Variants in AGBL4 observed in about 807,000 individuals in gnomAD.
The protein encoded by AGBL4 is AGBL carboxypeptidase 4, also known as cytosolic carboxypeptidase 6.
Under a neutral mutation model 66.4 loss-of-function variants are expected in AGBL4, and 58 were observed. The ratio of observed to expected loss-of-function variants is 0.87; its 90% CI spans 0.71 to 1.09. The LOEUF (loss-of-function observed/expected upper bound fraction) is 1.09. AGBL4 is among the 50% of genes least tolerant of loss of function. The pLI is 0.00. For missense variants in AGBL4, 579 were observed against 631.0 expected (o/e 0.92, Z 0.88); for synonymous variants, 234 against 222.9 (o/e 1.05, Z -0.44).
At chr1:48,833,908 A>G (rs1056405837) in intron 6 of AGBL4, among the ~76,000 whole-genome samples, 1 of 152,184 alleles carries the variant, frequency 6.6e-6, no homozygotes, top group African/African-American at 2.4e-5. Context: ...GGCCCAGGGG[A>G]CAGGGCTAGT....
chr1:49,507,615 T>C (rs1648819041), intron 3 of AGBL4, among the ~76,000 whole-genome samples: 2 of 152,004 alleles, frequency 1.3e-5, no homozygotes, highest in South Asian at 2.1e-4. Flanking sequence ...GGTTATTCAA[T>C]TGAGAACTTG....
chr1:49,106,754 C>T (rs1449041648), intron 4 of AGBL4, among the ~76,000 whole-genome samples: 1 of 152,052 alleles, frequency 6.6e-6, no homozygotes, highest in Non-Finnish European at 1.5e-5. Context: ...AAGGATTTAC[C>T]CAAGGCTTTG....
rs72895645 is a variant in AGBL4 at position 48,957,670 on chromosome 1, C to G, written c.594+87914G>C. 2.8e-3 allele frequency among the ~76,000 whole-genome samples: 422 copies of G among 152,276 alleles called. 6 individuals carry two copies. The highest frequency in any genetic ancestry group is 9.3e-3 in the African/African-American group (387 of 41,556). ...GCTGCTTCTCTTCCACTCCCCAGCCCCTAAAAAACAATGTACTTAAAATAC... is the reference window on the plus strand; with the variant it reads ...GCTGCTTCTCTTCCACTCCCCAGCCGCTAAAAAACAATGTACTTAAAATAC... On this transcript the variant is annotated intron_variant, in intron 5 of 13. Coordinates refer to ENST00000371839, the MANE Select transcript of AGBL4 (RefSeq NM_032785.4).
chr1:49,757,337 C>T (rs1651965516), intron 2 of AGBL4, among the ~76,000 whole-genome samples: 1 of 152,152 alleles, frequency 6.6e-6, no homozygotes, highest in African/African-American at 2.4e-5. Context: ...TGAACTAATA[C>T]AGTAAATTGG....
intron 3 of AGBL4, chr1:49,269,277 A>G (rs1241421695): frequency 6.6e-6 from 1 of 152,222 alleles, no homozygotes; most frequent in East Asian, 1.9e-4. Flanking sequence ...ACGAGCATTA[A>G]TAAATGTTTC....
chr1:49,107,517 A>T (rs768352198), intron 4 of AGBL4, among the ~76,000 whole-genome samples: 12 of 152,266 alleles, frequency 7.9e-5, no homozygotes, highest in Non-Finnish European at 1.3e-4. Flanking sequence ...AGCAGGTGTG[A>T]CTAAAATTAA....
At chr1:49,947,071 A>T (rs1655277782) in intron 1 of AGBL4, among the ~76,000 whole-genome samples, 1 of 151,546 alleles carries the variant, frequency 6.6e-6, no homozygotes, top group Non-Finnish European at 1.5e-5. Context: ...TTAAAAAAAA[A>T]AGTTCAAGAC....
chr1:49,618,996 A>G (rs1394519509), intron 3 of AGBL4, among the ~76,000 whole-genome samples: 1 of 152,182 alleles, frequency 6.6e-6, no homozygotes, highest in Non-Finnish European at 1.5e-5. Flanking sequence ...TTTATGAAAA[A>G]CCCACAGCCA....
intron 3 of AGBL4, among the ~76,000 whole-genome samples, chr1:49,597,843 T>C (rs1020288104): frequency 1.3e-5 from 2 of 152,218 alleles, no homozygotes; most frequent in Non-Finnish European, 2.9e-5. Flanking sequence ...ACAGGAATGC[T>C]TGTGATTTTT....
At chr1:49,812,721 T>C (rs1645128445) in intron 2 of AGBL4, among the ~76,000 whole-genome samples, 1 of 152,154 alleles carries the variant, frequency 6.6e-6, no homozygotes, top group Admixed American at 6.6e-5. Context: ...GTTTCCTTGA[T>C]AAATGTTAAT....
intron 5 of AGBL4, among the ~76,000 whole-genome samples, chr1:48,888,462 A>T (rs1650589910): frequency 6.6e-6 from 1 of 152,058 alleles, no homozygotes; most frequent in Admixed American, 6.5e-5. Context: ...CCTTTGCTCA[A>T]ACTATGTTCA....
intron 4 of AGBL4, among the ~76,000 whole-genome samples, chr1:49,243,048 T>C (rs1194733443): frequency 6.6e-6 from 1 of 150,442 alleles, no homozygotes; most frequent in African/African-American, 2.4e-5. Context: ...CACACATACA[T>C]ATATATATAT....
intron 3 of AGBL4, among the ~76,000 whole-genome samples, chr1:49,659,960 T>A (rs771243026): frequency 3.0e-4 from 46 of 152,026 alleles, no homozygotes; most frequent in Non-Finnish European, 6.5e-4. Flanking sequence ...TCAAGACGGA[T>A]AAAAGACTTC....
intron 4 of AGBL4, among the ~76,000 whole-genome samples, chr1:49,141,291 A>C (rs943507245): frequency 1.3e-5 from 2 of 152,190 alleles, no homozygotes; most frequent in African/African-American, 4.8e-5. Flanking sequence ...AAAAATATTT[A>C]TTGACCATGG....
At chr1:48,572,173 G>C (rs1343264273) in intron 11 of AGBL4, among the ~76,000 whole-genome samples, 2 of 152,054 alleles carry the variant, frequency 1.3e-5, no homozygotes, top group African/African-American at 4.8e-5. Flanking sequence ...GGACTACCGA[G>C]CCCCTGCCCA....
chr1:49,815,190 A>T (rs910854043), intron 2 of AGBL4, among the ~76,000 whole-genome samples: 3 of 152,098 alleles, frequency 2.0e-5, no homozygotes, highest in African/African-American at 7.2e-5. Flanking sequence ...TCCCTGCCTC[A>T]GCTAAACATT....
chr1:48,806,972 G>A (rs1326696732), intron 6 of AGBL4, among the ~76,000 whole-genome samples: 1 of 152,094 alleles, frequency 6.6e-6, no homozygotes, highest in Non-Finnish European at 1.5e-5. Context: ...AAGTATCTAT[G>A]CTTGTGAATG....
Position 48,917,314 on chromosome 1 carries a change from C to T in AGBL4, c.595-50084G>A, listed in dbSNP as rs114808867. ...AATTAAATAAAATTAATTTGTACTT[C>T]GTTAGGCAATTTAGTTTTCAAGACC... On this transcript the variant is annotated intron_variant, in intron 5 of 13. Coordinates refer to ENST00000371839, the MANE Select transcript of AGBL4 (RefSeq NM_032785.4). Among the ~76,000 whole-genome samples, 789 of 151,866 alleles carry T rather than the reference C, an allele frequency of 5.2e-3. 8 individuals carry two copies. The highest frequency in any genetic ancestry group is 0.017 in the African/African-American group (722 of 41,426).
intron 6 of AGBL4, among the ~76,000 whole-genome samples, chr1:48,679,961 C>G (rs138181143): frequency 2.5e-4 from 38 of 152,348 alleles, no homozygotes; most frequent in African/African-American, 7.7e-4. Flanking sequence ...TGGCCACCTC[C>G]CCTGGGGAGA....
Sources: allele counts gnomAD v4.1 joint callset (sites outside exome capture counted in the v4.1 genomes callset), GRCh38; gene constraint gnomAD v4.1.1; transcripts MANE v1.5; gene names NCBI Gene and HGNC (gene_info 2026-07-23, HGNC 2026-07-21).